Variants in NF1 observed in about 807,000 individuals in gnomAD.
The protein encoded by NF1 is neurofibromin 1.
In NF1, 122 loss-of-function variants were observed where a neutral mutation model predicts 325.7. The ratio of observed to expected loss-of-function variants is 0.37; its 90% CI spans 0.32 to 0.44. NF1 has a LOEUF of 0.44. NF1 is among the 20% of genes least tolerant of loss of function. The pLI, the probability that NF1 is intolerant of heterozygous loss-of-function variation, is 1.00. For synonymous variants in NF1, 1,091 were observed against 1,186.0 expected (o/e 0.92, Z 1.65); for missense variants, 2,140 against 3,415.4 (o/e 0.63, Z 9.31).
intron 1 of NF1, among the ~76,000 whole-genome samples, chr17:31,151,042 A>T (rs998011473): frequency 2.9e-5 from 3 of 105,240 alleles, no homozygotes; most frequent in East Asian, 2.6e-4. Flanking sequence ...CTCAAAAAAA[A>T]AATAAATAAA....
chr17:31,345,470 G>T lies in NF1; in HGVS notation c.7189+2335G>T, dbSNP rs1248847888. ...ACAAAGTTCCCGGGGCTCCCTCCGG[G>T]GCCGCGGTCGGGGCTGCGCGTTTGA... On this transcript the variant is annotated intron_variant, in intron 48 of 57. Coordinates refer to ENST00000358273, the MANE Select transcript of NF1 (RefSeq NM_001042492.3). 6 of 1,441,582 alleles carry T rather than the reference G, an allele frequency of 4.2e-6. No individual in the cohort carries two copies. The East Asian group carries it at 1.2e-4, about 30-fold the overall frequency. The allele number at this position is 1,441,582 out of a possible 1,614,324, so 89.3% of individuals were successfully genotyped here.
chr17:31,311,925 C>T (rs1362968586), intron 36 of NF1, among the ~76,000 whole-genome samples: 1 of 152,034 alleles, frequency 6.6e-6, no homozygotes, highest in Admixed American at 6.5e-5. Flanking sequence ...TGTAGGTAGT[C>T]TTAGATAAAG....
At chr17:31,362,321 C>T (rs554358032) in intron 57 of NF1, 81 of 985,392 alleles carry the variant, frequency 8.2e-5, no homozygotes, top group Non-Finnish European at 9.3e-5. Flanking sequence ...CCTGCTTCCC[C>T]GCTGATAAAC....
At chr17:31,207,801 T>C (rs2066650053) in intron 12 of NF1, among the ~76,000 whole-genome samples, 1 of 152,208 alleles carries the variant, frequency 6.6e-6, no homozygotes, top group Non-Finnish European at 1.5e-5. Flanking sequence ...TTTATTGACC[T>C]GTTTATTCCA....
chr17:31,148,095 C>T (rs1916700228), intron 1 of NF1, among the ~76,000 whole-genome samples: 2 of 152,194 alleles, frequency 1.3e-5, no homozygotes, highest in African/African-American at 4.8e-5. Flanking sequence ...ATCCCTATTC[C>T]TTCAGTAGCT....
At chr17:31,111,236 A>G (rs1004157374) in intron 1 of NF1, among the ~76,000 whole-genome samples, 3 of 152,114 alleles carry the variant, frequency 2.0e-5, no homozygotes, top group Admixed American at 2.0e-4. Context: ...AAGAATGGAA[A>G]GAGTAGAACA....
rs587781670 is a variant in NF1, at chr17:31,169,986, G to A, written c.575G>A (p.Arg192Gln). Residue 192 changes from arginine (R) to glutamine (Q), a missense_variant, in exon 5 of 58, where the codon CGA becomes CAA. Arg to Gln is a conservative substitution (Grantham distance 43, BLOSUM62 1). Around this residue, in one of 10 missense-constraint regions of NF1, gnomAD observed 246 missense variants for 347.8 expected, o/e 0.71. Transcript: ENST00000358273. ...YINVDCAKLK[R>Q]LLKETAFKFK... ...AATGTGGATTGTGCAAAATTAAAACGACTCCTGAAGGGTAAGTTTAAATGT... is the reference window on the plus strand; with the variant it reads ...AATGTGGATTGTGCAAAATTAAAACAACTCCTGAAGGGTAAGTTTAAATGT... The A allele has an allele frequency of 1.2e-5, 20 of 1,600,152 alleles. No individual in the cohort carries two copies. In the East Asian group the frequency reaches 2.5e-4, roughly 20 times the overall value.
At position 31,155,977 on chromosome 17, in the gene NF1, T is replaced by C. The variant is rs2143624995; in HGVS notation, c.61-6T>C. ...TTAACGTGTTTTTTTTTTCTTTTTTTTTCAGCTTCCAATAAAAACAGGACA... is the reference window on the plus strand; with the variant it reads ...TTAACGTGTTTTTTTTTTCTTTTTTCTTCAGCTTCCAATAAAAACAGGACA... On this transcript the variant is annotated splice_region_variant and splice_polypyrimidine_tract_variant and intron_variant, in intron 1 of 57. Coordinates refer to ENST00000358273, the MANE Select transcript of NF1 (RefSeq NM_001042492.3). 6.2e-7 allele frequency: 1 copy of C among 1,612,650 alleles called. No homozygotes were observed. Among genetic ancestry groups the C allele is most frequent in the Non-Finnish European group, 8.5e-7 (1 of 1,179,478 alleles).
At chr17:31,159,324 T>C (rs1389521276) in intron 3 of NF1, among the ~76,000 whole-genome samples, 1 of 152,214 alleles carries the variant, frequency 6.6e-6, no homozygotes, top group Non-Finnish European at 1.5e-5. Flanking sequence ...TAAAATGTTA[T>C]GTTTCAGCCA....
intron 1 of NF1, among the ~76,000 whole-genome samples, chr17:31,116,772 A>G (rs576484314): frequency 6.6e-6 from 1 of 151,268 alleles, no homozygotes; most frequent in South Asian, 2.1e-4. Flanking sequence ...GTTTCACACC[A>G]TTCTCCTGCC....
At chr17:31,295,876 G>A (rs2068453653) in intron 36 of NF1, 24 of 1,614,148 alleles carry the variant, frequency 1.5e-5, no homozygotes, top group Non-Finnish European at 1.9e-5. Context: ...TACTACTGAG[G>A]TTGAGAACCT....
chr17:31,328,207 AAAGAAGGCC>A (rs2069396780), intron 38 of NF1, among the ~76,000 whole-genome samples: 1 of 152,246 alleles, frequency 6.6e-6, no homozygotes, highest in Non-Finnish European at 1.5e-5. Flanking sequence ...TTGCTTTACA[AAAGAAGGCC>A]TAATGTTCAA....
chr17:31,343,252 A>C (rs2069874086), intron 48 of NF1, 117 bp downstream of exon 48: 1 of 1,032,768 alleles, frequency 9.7e-7, no homozygotes, highest in Non-Finnish European at 1.4e-6. Flanking sequence ...TCTTACTTTA[A>C]ATGCAAACTA....
intron 1 of NF1, among the ~76,000 whole-genome samples, chr17:31,118,937 T>TC (rs1175356923): frequency 1.1e-5 from 1 of 90,398 alleles, no homozygotes; most frequent in East Asian, 3.2e-4. Context: ...TGTCTCTCTC[T>TC]CTTTTTTTTT....
chr17:31,297,751 A>G (rs929486072), intron 36 of NF1, among the ~76,000 whole-genome samples: 3 of 152,120 alleles, frequency 2.0e-5, no homozygotes, highest in Admixed American at 6.5e-5. Context: ...TCTTCCCCCA[A>G]CATGGTGATT....
At chr17:31,360,386 A>AAAATAGT in intron 56 of NF1, 101 bp from the exon 57 acceptor site, 1 of 1,010,182 alleles carries the variant, frequency 9.9e-7, no homozygotes, top group South Asian at 1.3e-5. Context: ...CAAAGGAAGA[A>AAAATAGT]AAATAGTAAA....
Position 31,095,351 on chromosome 17 carries a change from C to T in NF1, c.42C>T (p.Val14=), listed in dbSNP as rs755413799. ...HRPVEWVQAV[V]SRFDEQLPIK... The stretch of plus-strand genomic sequence containing the variant: ...CGGTGGAATGGGTCCAGGCCGTGGT[C>T]AGCCGCTTCGACGAGCAGGTAACCG... The change falls in exon 1 of 58, where the codon GTC becomes GTT. Residue 14 remains valine, a synonymous_variant. Transcript: ENST00000358273. The T allele has an allele frequency of 7.8e-6, 12 of 1,539,896 alleles. No individual in the cohort carries two copies. The South Asian group carries it at 1.3e-4, about 17-fold the overall frequency.
intron 36 of NF1, chr17:31,304,622 C>A: frequency 6.2e-7 from 1 of 1,614,162 alleles, no homozygotes; most frequent in Non-Finnish European, 8.5e-7. Flanking sequence ...GAAGAAGAAA[C>A]AGCAGTTCCA....
chr17:31,343,563 T>G (rs574122112), intron 48 of NF1, among the ~76,000 whole-genome samples: 34 of 152,118 alleles, frequency 2.2e-4, no homozygotes, highest in African/African-American at 8.0e-4. Context: ...AATAAATAAA[T>G]GCAAACTATA....
Sources: gnomAD v4.1 joint callset for allele counts (sites outside exome capture counted in the v4.1 genomes callset) on GRCh38, gnomAD v4.1.1 for gene constraint, gnomAD v4.1.1 regional missense constraint, MANE v1.5 for transcripts, NCBI Gene and HGNC (gene_info 2026-07-23, HGNC 2026-07-21) for gene names.